ZDHHC21: variants seen among roughly 807,000 people sequenced by gnomAD.
ZDHHC21 encodes the protein zDHHC palmitoyltransferase 21, also known as palmitoyltransferase ZDHHC21.
A neutral mutation model predicts 34.6 loss-of-function variants in ZDHHC21; 15 were observed. The ratio of observed to expected loss-of-function variants is 0.43; its 90% confidence interval spans 0.29 to 0.67. ZDHHC21 has a LOEUF of 0.67. ZDHHC21 is among the 30% of genes least tolerant of loss of function. The pLI is 0.14. For synonymous variants in ZDHHC21, 142 were observed against 101.8 expected, an observed-to-expected ratio of 1.40 and a Z score of -2.38; for missense variants, 344 against 327.7, an observed-to-expected ratio of 1.05 and a Z score of -0.38.
At chr9:14,674,686 A>C (rs1836047117) in intron 3 of ZDHHC21, among the ~76,000 whole-genome samples, 1 of 152,050 alleles carries the variant, frequency 6.6e-6, no homozygotes, top group Non-Finnish European at 1.5e-5. Flanking sequence ...TTAAAACACA[A>C]GTTTGTCCTT....
At chr9:14,626,381 G>A (rs899658637) in intron 8 of ZDHHC21, among the ~76,000 whole-genome samples, 1 of 151,962 alleles carries the variant, frequency 6.6e-6, no homozygotes, top group Non-Finnish European at 1.5e-5. Flanking sequence ...TTAGTAAAAG[G>A]AAAACCCATA....
At position 14,670,837 on chromosome 9, in the gene ZDHHC21, G is replaced by A. The variant is rs1390023530; in HGVS notation, c.253+1993C>T. ...AATTGATCATCTAGAAGGTGCTTTT[G>A]CCTTGTGTAGCAAGAAAAAAAATCC... On this transcript the variant is annotated intron_variant, in intron 5 of 9. Transcript: ENST00000380916. Among the ~76,000 whole-genome samples, 5 of 152,066 alleles carry A rather than the reference G, an allele frequency of 3.3e-5. No individual in the cohort carries two copies. The South Asian group carries it at 6.2e-4, about 19-fold the overall frequency.
chr9:14,604,687 A>G, the ZDHHC21 span, among the ~76,000 whole-genome samples: 1 of 152,186 alleles, frequency 6.6e-6, no homozygotes, highest in African/African-American at 2.4e-5. Context: ...TTCATACTTC[A>G]CATTACTTTT....
chr9:14,620,147 C>G (rs1421617219), intron 8 of ZDHHC21, among the ~76,000 whole-genome samples: 1 of 152,024 alleles, frequency 6.6e-6, no homozygotes, highest in Non-Finnish European at 1.5e-5. Flanking sequence ...CTCAACAAGG[C>G]AATCTATGAA....
chr9:14,680,434 T>C (rs1837168774), intron 2 of ZDHHC21, among the ~76,000 whole-genome samples: 2 of 152,156 alleles, frequency 1.3e-5, no homozygotes, highest in Non-Finnish European at 2.9e-5. Context: ...ATAAGCATTA[T>C]ATGTCCAGTA....
At chr9:14,690,719 C>G (rs1370904359) in intron 1 of ZDHHC21, among the ~76,000 whole-genome samples, 1 of 152,118 alleles carries the variant, frequency 6.6e-6, no homozygotes, top group African/African-American at 2.4e-5. Flanking sequence ...GTTCAGGGAC[C>G]TATCAATGAG....
intron 8 of ZDHHC21, among the ~76,000 whole-genome samples, chr9:14,621,887 C>A (rs377198265): frequency 3.1e-4 from 47 of 152,100 alleles, no homozygotes; most frequent in East Asian, 7.7e-4. Context: ...TTAAAAAAAA[C>A]CACTAAAAAA....
At chr9:14,685,184 A>G (rs1318296402) in intron 2 of ZDHHC21, among the ~76,000 whole-genome samples, 60 of 151,796 alleles carry the variant, frequency 4.0e-4, no homozygotes, top group African/African-American at 1.2e-3. Flanking sequence ...AATGGCAACA[A>G]AAGCCAAAAT....
chr9:14,607,559 T>G (rs1564156548), downstream of ZDHHC21, among the ~76,000 whole-genome samples: 1 of 144,658 alleles, frequency 6.9e-6, no homozygotes, highest in African/African-American at 2.6e-5. Context: ...AGGGTGGGAG[T>G]GAAGATTTTG....
intron 2 of ZDHHC21, among the ~76,000 whole-genome samples, chr9:14,682,124 T>C (rs1315441497): frequency 6.6e-6 from 1 of 152,138 alleles, no homozygotes; most frequent in African/African-American, 2.4e-5. Context: ...AGGAAGAAAC[T>C]GCATCAACTA....
chr9:14,656,667 G>C (rs1451197900), intron 7 of ZDHHC21, among the ~76,000 whole-genome samples: 1 of 151,846 alleles, frequency 6.6e-6, no homozygotes, highest in Non-Finnish European at 1.5e-5. Flanking sequence ...TTTCTGCTCA[G>C]CACTACTAGA....
intron 4 of ZDHHC21, 55 bp from the exon 5 acceptor site, chr9:14,672,983 C>G (rs773640676): frequency 2.2e-5 from 25 of 1,123,022 alleles, no homozygotes; most frequent in Non-Finnish European, 2.9e-5. Context: ...AACATTTTAT[C>G]AACAATCATA....
At position 14,615,600 on chromosome 9, in the gene ZDHHC21, G is replaced by A. The variant is rs1158241372; in HGVS notation, c.*3366C>T. ...TTGATATTTTTAAACTGTAAGTCTG[G>A]GTTACAAAGTACCAACTGCTCTGTA... On this transcript the variant is annotated 3_prime_UTR_variant, in exon 10 of 10. Transcript: ENST00000380916. 1 of 151,278 alleles carries A rather than the reference G, an allele frequency of 6.6e-6. No homozygotes were observed. The highest frequency in any genetic ancestry group is 2.1e-4 in the South Asian group (1 of 4,808). 9.4% of individuals were successfully genotyped at this position (151,278 alleles called of 1,614,324 possible).
the ZDHHC21 span, among the ~76,000 whole-genome samples, chr9:14,592,476 T>C: frequency 1.3e-5 from 2 of 152,234 alleles, no homozygotes; most frequent in Non-Finnish European, 2.9e-5. Context: ...CACATAGCAA[T>C]TATAAATCTA....
chr9:14,609,952 G>A (rs1823148491), downstream of ZDHHC21, among the ~76,000 whole-genome samples: 1 of 152,036 alleles, frequency 6.6e-6, no homozygotes, highest in Non-Finnish European at 1.5e-5. Context: ...TTGGTCTAAT[G>A]CGAAGCAGTA....
chr9:14,601,882 A>C, the ZDHHC21 span, among the ~76,000 whole-genome samples: 1 of 152,154 alleles, frequency 6.6e-6, no homozygotes, highest in African/African-American at 2.4e-5. Context: ...CATTCTCAGC[A>C]AACGCTCACA....
At chr9:14,638,957 A>G (rs1828794754) in intron 8 of ZDHHC21, among the ~76,000 whole-genome samples, 1 of 152,100 alleles carries the variant, frequency 6.6e-6, no homozygotes, top group Non-Finnish European at 1.5e-5. Flanking sequence ...GAATTCTTAA[A>G]AAACTAAAAA....
chr9:14,658,131 T>C (rs1230004936), intron 7 of ZDHHC21, among the ~76,000 whole-genome samples: 3 of 152,216 alleles, frequency 2.0e-5, no homozygotes, highest in African/African-American at 7.2e-5. Context: ...TCTGCATTTT[T>C]ATTCCTGAAA....
At chr9:14,690,507 GC>G (rs751923151) in intron 1 of ZDHHC21, 122 bp from the exon 2 acceptor site, 6 of 374,340 alleles carry the variant, frequency 1.6e-5, no homozygotes, top group Non-Finnish European at 3.1e-5. Flanking sequence ...TACCCAACCT[GC>G]CCTTTTGTAG....
Sources: gnomAD v4.1 joint callset for allele counts (sites outside exome capture counted in the v4.1 genomes callset) on GRCh38, gnomAD v4.1.1 for gene constraint, MANE v1.5 for transcripts, NCBI Gene and HGNC (gene_info 2026-07-23, HGNC 2026-07-21) for gene names.